The following MON1B variants were observed in gnomAD, a reference collection of about 807,000 sequenced individuals.
MON1B encodes vacuolar fusion protein MON1 homolog B.
Under a neutral mutation model 45.1 loss-of-function variants are expected in MON1B, and 26 were observed. The observed-to-expected ratio is 0.58, with a 90% confidence interval of 0.42 to 0.80. MON1B has a LOEUF of 0.80. Ranked by LOEUF, MON1B falls within the 30% of genes least tolerant of loss-of-function variation. MON1B has a pLI of 0.00. For missense variants in MON1B, 737 were observed against 754.5 expected, an observed-to-expected ratio of 0.98 and a Z score of 0.27; for synonymous variants, 395 against 320.2, an observed-to-expected ratio of 1.23 and a Z score of -2.49.
In MON1B at chr16:77,201,014, G is replaced by T. The variant is rs953571844; in HGVS notation, c.*2706G>T. On this transcript the variant is annotated 3_prime_UTR_variant, in exon 6 of 6. Transcript: ENST00000248248. ...AAACACATTAGACTGCATCCTGCCA[G>T]ACCTACCCATACAGACATCAAAGTA... 1 of 152,226 alleles carries T rather than the reference G, an allele frequency of 6.6e-6. No individual in the cohort carries two copies. Among genetic ancestry groups the T allele is most frequent in the South Asian group, 2.1e-4 (1 of 4,824 alleles). The allele number at this position is 152,226 out of a possible 1,614,324, so 9.4% of individuals were successfully genotyped here.
At position 77,200,291 on chromosome 16, in the gene MON1B, T is replaced by TATATATATATATATGTATATATATATAC; in HGVS notation, c.*1984_*1985insTATATATATATATGTATATATATATACA. On this transcript the variant is annotated 3_prime_UTR_variant, in exon 6 of 6. Transcript: ENST00000248248. ...ATATATGTGTATATATATATATATATACACACACTAATCAGCCGGGCGCGG... is the reference window on the plus strand; with the variant it reads ...ATATATGTGTATATATATATATATATATATATATATATATGTATATATATATACACACACACTAATCAGCCGGGCGCGG... 9.0e-6 allele frequency: 1 copy of TATATATATATATATGTATATATATATAC among 111,430 alleles called. No homozygotes were observed. Among genetic ancestry groups the TATATATATATATATGTATATATATATAC allele is most frequent in the African/African-American group, 3.4e-5 (1 of 29,728 alleles). 6.9% of individuals were successfully genotyped at this position (111,430 alleles called of 1,614,324 possible).
In MON1B at chr16:77,199,160, AGCAGG is replaced by A; in HGVS notation, c.*853_*857del. On this transcript the variant is annotated 3_prime_UTR_variant, in exon 6 of 6. Coordinates refer to ENST00000248248, the MANE Select transcript of MON1B (RefSeq NM_014940.4). ...AACCTGCACAAGACAAGCAGCCTAA[AGCAGG>A]AGAGACCTCCCTAGGGTTTTGTGTG... 2.5e-6 allele frequency: 1 copy of A among 400,550 alleles called. No individual in the cohort carries two copies. The highest frequency in any genetic ancestry group is 4.5e-6 in the Non-Finnish European group (1 of 223,740). 24.8% of individuals were successfully genotyped at this position (400,550 alleles called of 1,614,324 possible).
Position 77,194,346 on chromosome 16 carries a change from C to G in MON1B, c.487C>G (p.Leu163Val). The change falls in exon 4 of 6, where the codon CTG (leucine) becomes GTG (valine). Residue 163 changes from leucine (L) to valine (V), a missense_variant. Leu to Val is a conservative substitution (Grantham distance 32, BLOSUM62 1). Coordinates refer to ENST00000248248, the MANE Select transcript of MON1B (RefSeq NM_014940.4). The surrounding 1 kb of genome is among the most constrained non-coding windows in gnomAD (Gnocchi z 8.1). Reference sequence around the variant, plus strand: ...CCTTCCTTCCCTAGAGGACCACAAGCTGGTGTTCCTACAACAGGGCCCACT... The same window carrying G: ...CCTTCCTTCCCTAGAGGACCACAAGGTGGTGTTCCTACAACAGGGCCCACT... The part of the protein sequence containing the change: ...IRAIYAEDHK[L>V]VFLQQGPLLL... The G allele has an allele frequency of 2.5e-6, 4 of 1,605,866 alleles. No individual in the cohort carries two copies. Among genetic ancestry groups the G allele is most frequent in the Non-Finnish European group, 3.4e-6 (4 of 1,179,880 alleles).
In MON1B at chr16:77,200,230, G is replaced by C. The variant is rs1323731411; in HGVS notation, c.*1922G>C. ...TATTTATATGTATGTATGTATGTGT[G>C]TGTATATATATATATATGTATATGT... On this transcript the variant is annotated 3_prime_UTR_variant, in exon 6 of 6. Coordinates refer to ENST00000248248, the MANE Select transcript of MON1B (RefSeq NM_014940.4). The C allele has an allele frequency of 3.0e-5, 4 of 134,088 alleles. No individual in the cohort carries two copies. Among genetic ancestry groups the C allele is most frequent in the African/African-American group, 1.2e-4 (4 of 34,244 alleles). 8.3% of individuals were successfully genotyped at this position (134,088 alleles called of 1,614,324 possible).
chr16:77,200,291 T>TCTATATATATATATATATACAC lies in MON1B; in HGVS notation c.*1983_*1984insCTATATATATATATATATACAC, dbSNP rs1555502425. 40 of 111,438 alleles carry TCTATATATATATATATATACAC rather than the reference T, an allele frequency of 3.6e-4. 2 individuals carry two copies. The highest frequency in any genetic ancestry group is 1.2e-3 in the African/African-American group (37 of 29,778). The allele number at this position is 111,438 out of a possible 1,614,324, so 6.9% of individuals were successfully genotyped here. ...ATATATGTGTATATATATATATATA[T>TCTATATATATATATATATACAC]ACACACACTAATCAGCCGGGCGCGG... On this transcript the variant is annotated 3_prime_UTR_variant, in exon 6 of 6. Transcript: ENST00000248248.
chr16:77,194,413 A>T lies in MON1B; in HGVS notation c.554A>T (p.Gln185Leu). 6.2e-7 allele frequency: 1 copy of T among 1,613,760 alleles called. No homozygotes were observed. The highest frequency in any genetic ancestry group is 8.5e-7 in the Non-Finnish European group (1 of 1,180,008). The part of the protein sequence containing the change: ...AMSRTSQSAA[Q>L]LRGELLAVHA... ...TCACGGACTTCTCAGTCAGCAGCCC[A>T]GCTGCGGGGGGAGCTGCTAGCTGTG... is the stretch of plus-strand genomic sequence containing the variant. The change falls in exon 4 of 6, where the codon CAG (glutamine) becomes CTG (leucine). Residue 185 changes from glutamine (Q) to leucine (L), a missense_variant. Coordinates refer to ENST00000248248, the MANE Select transcript of MON1B (RefSeq NM_014940.4). This position sits in a 1 kb window ranked among gnomAD's most constrained non-coding sequence, Gnocchi z 8.1.
At position 77,201,927 on chromosome 16, in the gene MON1B, G is replaced by T. The variant is rs1351740199; in HGVS notation, c.*3619G>T. The T allele has an allele frequency of 6.6e-6, 1 of 152,120 alleles. No individual in the cohort carries two copies. The highest frequency in any genetic ancestry group is 1.5e-5 in the Non-Finnish European group (1 of 68,028). The allele number at this position is 152,120 out of a possible 1,614,324, so 9.4% of individuals were successfully genotyped here. A position where few individuals can be genotyped will look rare whatever the true frequency, so the allele number is the denominator to read the frequency against. On this transcript the variant is annotated 3_prime_UTR_variant, in exon 6 of 6. Coordinates refer to ENST00000248248, the MANE Select transcript of MON1B (RefSeq NM_014940.4). The stretch of plus-strand genomic sequence containing the variant: ...GGGATTGAAACAAAAATGGAGGGGG[G>T]TATAGCCCTGTGTATGTTGCACAGA...
At chr16:77,196,298 A>T (rs923572901) in intron 5 of MON1B, among the ~76,000 whole-genome samples, 3 of 152,132 alleles carry the variant, frequency 2.0e-5, no homozygotes, top group African/African-American at 7.2e-5. Context: ...TTTGTTTTTA[A>T]ATTTTTTTAA....
chr16:77,194,601 G>A lies in MON1B; in HGVS notation c.742G>A (p.Val248Met), dbSNP rs1220762371. ...CCCAGGAGCCCTGCTCCTGGGTGCC[G>A]TGCGCTGTGTGCCCCTTGCCCGCCC... ...QDPGALLLGA[V>M]RCVPLARPLR... The change falls in exon 4 of 6, where the codon GTG becomes ATG. Residue 248 changes from valine to methionine, a missense_variant. Coordinates refer to ENST00000248248, the MANE Select transcript of MON1B (RefSeq NM_014940.4). The surrounding 1 kb of genome is among the most constrained non-coding windows in gnomAD (Gnocchi z 8.1). The A allele has an allele frequency of 1.9e-6, 3 of 1,613,806 alleles. No individual in the cohort carries two copies. The highest frequency in any genetic ancestry group is 2.5e-6 in the Non-Finnish European group (3 of 1,179,926).
Position 77,198,125 on chromosome 16 carries a change from G to A in MON1B, c.1461G>A (p.Glu487=), listed in dbSNP as rs771157169. 3.1e-6 allele frequency: 5 copies of A among 1,613,936 alleles called. No homozygotes were observed. The East Asian group carries it at 8.9e-5, about 29-fold the overall frequency. The change falls in exon 6 of 6, where the codon GAG becomes GAA. Residue 487 remains glutamate, a synonymous_variant. Transcript: ENST00000248248. ...TLLAWVTSKF[E]LYTCLSPLVT... ...ACCCCCAGGTGACCTCCAAATTCGA[G>A]CTCTATACCTGCCTCAGCCCTCTGG...
chr16:77,191,709 G>A (rs2054617012), intron 2 of MON1B, 76 bp downstream of exon 2: 2 of 1,496,846 alleles, frequency 1.3e-6, no homozygotes, highest in East Asian at 4.8e-5. Context: ...GGGTCAGTGG[G>A]TGACCAGTAG....
chr16:77,191,194 G>C lies in MON1B; in HGVS notation c.-75G>C. On this transcript the variant is annotated 5_prime_UTR_variant, in exon 1 of 6. Transcript: ENST00000248248. Reference sequence around the variant, plus strand: ...CACCTCCCGGGCCGCACCCGGAAGTGTGATGCCACCGCCGCTACGGGGAAG... The same window carrying C: ...CACCTCCCGGGCCGCACCCGGAAGTCTGATGCCACCGCCGCTACGGGGAAG... 1 of 1,535,940 alleles carries C rather than the reference G, an allele frequency of 6.5e-7. No individual in the cohort carries two copies. Among genetic ancestry groups the C allele is most frequent in the South Asian group, 1.2e-5 (1 of 84,032 alleles).
rs761893042 is a variant in MON1B at position 77,198,349 on chromosome 16, C to T, written c.*41C>T. 6.3e-6 allele frequency: 10 copies of T among 1,584,782 alleles called. 1 individual carries two copies. In the South Asian group the frequency reaches 7.7e-5, roughly 12 times the overall value. ...GACCAGGCAGTGCTGGGAGCAACCA[C>T]CTTTGTTTTTTACCTTCTGTCTACC... is the stretch of plus-strand genomic sequence containing the variant. On this transcript the variant is annotated 3_prime_UTR_variant, in exon 6 of 6. Transcript: ENST00000248248.
intron 1 of MON1B, 92 bp from the exon 2 acceptor site, chr16:77,191,384 C>T (rs2054613023): frequency 1.3e-6 from 2 of 1,583,664 alleles, no homozygotes; most frequent in Non-Finnish European, 8.6e-7. Context: ...GGGAAATGAG[C>T]AGTAGGAGTG....
chr16:77,191,409 T>A (rs952194646), intron 1 of MON1B, 67 bp from the exon 2 acceptor site: 5 of 1,580,210 alleles, frequency 3.2e-6, no homozygotes. Context: ...CAAGGGGGCC[T>A]GACTCTATAA....
Position 77,193,877 on chromosome 16 carries a change from T to G in MON1B, c.475+100T>G. 1.5e-6 allele frequency: 2 copies of G among 1,296,428 alleles called. No individual in the cohort carries two copies. Among genetic ancestry groups the G allele is most frequent in the Non-Finnish European group, 2.1e-6 (2 of 949,668 alleles). The allele number at this position is 1,296,428 out of a possible 1,614,324, so 80.3% of individuals were successfully genotyped here. ...TCAGGCACTATCCAGCCAGCCAGGG[T>G]TGGGTCCATGTGTGTGGATGGTCAG... On this transcript the variant is annotated intron_variant, in intron 3 of 5. Coordinates refer to ENST00000248248, the MANE Select transcript of MON1B (RefSeq NM_014940.4). The surrounding 1 kb of genome is among the most constrained non-coding windows in gnomAD (Gnocchi z 5.0).
chr16:77,198,324 G>A lies in MON1B; in HGVS notation c.*16G>A. On this transcript the variant is annotated 3_prime_UTR_variant, in exon 6 of 6. Transcript: ENST00000248248. ...TGGACTCTGATAGTTGGAGCTCCCA[G>A]ACCAGGCAGTGCTGGGAGCAACCAC... 1.2e-6 allele frequency: 2 copies of A among 1,611,478 alleles called. No homozygotes were observed. Among genetic ancestry groups the A allele is most frequent in the Non-Finnish European group, 1.7e-6 (2 of 1,177,620 alleles).
In MON1B at chr16:77,198,521, C is replaced by A; in HGVS notation, c.*213C>A. ...CCTGCCCAGTCATGCACCTCCCCCT[C>A]TGGGGAAATCCTTAGGCCTCCCTCT... On this transcript the variant is annotated 3_prime_UTR_variant, in exon 6 of 6. Transcript: ENST00000248248. 1 of 594,514 alleles carries A rather than the reference C, an allele frequency of 1.7e-6. No individual in the cohort carries two copies. The allele number at this position is 594,514 out of a possible 1,614,324, so 36.8% of individuals were successfully genotyped here.
Position 77,199,500 on chromosome 16 carries a change from G to C in MON1B, c.*1192G>C. ...GAATGTGGAGGCGCCAGAAGCTACTGAGGAGGCTGAAGGTAGTGAGGGCAA... is the reference window on the plus strand; with the variant it reads ...GAATGTGGAGGCGCCAGAAGCTACTCAGGAGGCTGAAGGTAGTGAGGGCAA... On this transcript the variant is annotated 3_prime_UTR_variant, in exon 6 of 6. Coordinates refer to ENST00000248248, the MANE Select transcript of MON1B (RefSeq NM_014940.4). 1 of 1,551,496 alleles carries C rather than the reference G, an allele frequency of 6.4e-7. No homozygotes were observed. Among genetic ancestry groups the C allele is most frequent in the Non-Finnish European group, 8.7e-7 (1 of 1,146,936 alleles).
Sources: allele counts gnomAD v4.1 joint callset (sites outside exome capture counted in the v4.1 genomes callset), GRCh38; gene constraint gnomAD v4.1.1; non-coding constraint Gnocchi (gnomAD v3.1); transcripts MANE v1.5; gene names NCBI Gene and HGNC (gene_info 2026-07-23, HGNC 2026-07-21).